Variants in NADSYN1 observed in about 807,000 individuals in gnomAD.
The protein encoded by NADSYN1 is glutamine-dependent NAD(+) synthetase.
A neutral mutation model predicts 99.3 loss-of-function variants in NADSYN1; 80 were observed. That is an observed-to-expected ratio of 0.81 (90% CI 0.67 to 0.97). The LOEUF is 0.97. Among genes scored for constraint, NADSYN1 ranks in the 50% least tolerant of loss-of-function variants. The probability of loss-of-function intolerance (pLI) is 0.00; values close to 1 mark genes in which losing one functional copy is unlikely to be tolerated. For missense variants in NADSYN1, 859 were observed against 948.5 expected, an observed-to-expected ratio of 0.91 and a Z score of 1.24; for synonymous variants, 385 against 372.1, an observed-to-expected ratio of 1.03 and a Z score of -0.40.
At chr11:71,497,699 A>G in intron 19 of NADSYN1, 88 bp downstream of exon 19, 2 of 1,525,376 alleles carry the variant, frequency 1.3e-6, no homozygotes, top group Non-Finnish European at 1.8e-6. Context: ...GAACAAGTAG[A>G]TAACAGTGTG....
At chr11:71,472,551 G>T (rs756444717) in intron 6 of NADSYN1, 51 bp downstream of exon 6, 1 of 1,513,682 alleles carries the variant, frequency 6.6e-7, no homozygotes, top group South Asian at 1.1e-5. Flanking sequence ...CGCTGTTCTC[G>T]GCCAACAGTG....
intron 17 of NADSYN1, 97 bp downstream of exon 17, chr11:71,491,073 C>T: frequency 6.6e-7 from 1 of 1,509,800 alleles, no homozygotes; most frequent in Non-Finnish European, 9.0e-7. Flanking sequence ...CTTCGTAGCT[C>T]CTGTTGCCTG....
intron 6 of NADSYN1, among the ~76,000 whole-genome samples, 167 bp from the exon 7 acceptor site, chr11:71,473,111 C>T (rs1314659919): frequency 1.3e-5 from 2 of 152,370 alleles, no homozygotes; most frequent in East Asian, 1.9e-4. Flanking sequence ...CCTGGCACCA[C>T]CCGGTGTCCC....
rs775012676 is a variant in NADSYN1 at position 71,455,172 on chromosome 11, T to C, written c.146+2T>C. On this transcript the variant is annotated splice_donor_variant, in intron 2 of 20. Coordinates refer to ENST00000319023, the MANE Select transcript of NADSYN1 (RefSeq NM_018161.5). LOFTEE classifies it high-confidence loss of function. ...GCTTGGACCAGAGCTGGAAATATGG[T>C]GAGAACAGACACAGACACCCTGGGG... The C allele has an allele frequency of 6.2e-7, 1 of 1,613,288 alleles. No individual in the cohort carries two copies.
chr11:71,490,516 T>G (rs1339878664), intron 16 of NADSYN1, among the ~76,000 whole-genome samples: 2 of 151,944 alleles, frequency 1.3e-5, no homozygotes, highest in Non-Finnish European at 2.9e-5. Flanking sequence ...GGCAGCAGAG[T>G]GTCCACGTGT....
Position 71,484,395 on chromosome 11 carries a change from T to C in NADSYN1, c.1403T>C (p.Phe468Ser). The C allele has an allele frequency of 1.2e-6, 2 of 1,614,170 alleles. No individual in the cohort carries two copies. The highest frequency in any genetic ancestry group is 1.7e-6 in the Non-Finnish European group (2 of 1,180,016). The change falls in exon 15 of 21, where the codon TTT becomes TCT. Residue 468 changes from phenylalanine (F) to serine (S), a missense_variant. By Grantham distance (155) the Phe-to-Ser change is radical. Transcript: ENST00000319023. Reference protein sequence around the residue: ...FSLVTGKSPLFAAHGGSSREN... With the variant: ...FSLVTGKSPLSAAHGGSSREN... ...CTGGTGACGGGGAAGAGCCCTCTGT[T>C]TGCAGCTCATGGAGGAAGCAGCAGG...
intron 11 of NADSYN1, 161 bp from the exon 12 acceptor site, chr11:71,481,195 C>T: frequency 5.4e-6 from 4 of 747,394 alleles, no homozygotes; most frequent in African/African-American, 1.7e-5. Flanking sequence ...TTCAGAATCA[C>T]ATGTGTCCCT....
At chr11:71,470,098 G>A (rs1042741442) in intron 5 of NADSYN1, among the ~76,000 whole-genome samples, 5 of 152,182 alleles carry the variant, frequency 3.3e-5, no homozygotes, top group African/African-American at 4.8e-5. Context: ...TTACATAGCG[G>A]CAGACAAGAG....
At chr11:71,477,469 AG>A in intron 9 of NADSYN1, 1 of 1,286,966 alleles carries the variant, frequency 7.8e-7, no homozygotes, top group Non-Finnish European at 1.0e-6. Context: ...GGTAGGAGCA[AG>A]GGGCGCGCAA....
intron 9 of NADSYN1, chr11:71,474,897 A>G: frequency 3.1e-6 from 1 of 327,748 alleles, no homozygotes; most frequent in East Asian, 7.5e-5. Context: ...TAGTGGACGG[A>G]TGAGGTTGAG....
At chr11:71,484,187 A>G (rs997872645) in intron 14 of NADSYN1, 125 bp from the exon 15 acceptor site, 2 of 1,411,658 alleles carry the variant, frequency 1.4e-6, no homozygotes, top group Non-Finnish European at 1.9e-6. Context: ...GCTAAACACC[A>G]CAAATCATAC....
chr11:71,489,150 G>T (rs759390303), intron 16 of NADSYN1, among the ~76,000 whole-genome samples: 1 of 152,094 alleles, frequency 6.6e-6, no homozygotes, highest in Non-Finnish European at 1.5e-5. Context: ...TTGAAGTTAG[G>T]CTTCTAACAA....
At chr11:71,477,262 C>T in intron 9 of NADSYN1, 2 of 1,232,812 alleles carry the variant, frequency 1.6e-6, no homozygotes, top group Admixed American at 2.6e-5. Context: ...GGGATGGAGC[C>T]ACCTTCTCAT....
At chr11:71,483,892 G>A in intron 14 of NADSYN1, among the ~76,000 whole-genome samples, 1 of 152,248 alleles carries the variant, frequency 6.6e-6, no homozygotes. Flanking sequence ...ATGACACAGT[G>A]AGGAGAAACC....
At chr11:71,476,723 A>G (rs200456147) in intron 9 of NADSYN1, 18 of 478,486 alleles carry the variant, frequency 3.8e-5, no homozygotes, top group Non-Finnish European at 4.8e-5. Context: ...CTCCCCGTTC[A>G]CGTCAGAGCC....
chr11:71,495,227 C>T (rs1024401236), intron 18 of NADSYN1, among the ~76,000 whole-genome samples: 3 of 152,324 alleles, frequency 2.0e-5, no homozygotes, highest in Admixed American at 2.0e-4. Flanking sequence ...GTTGTGTCTT[C>T]ATTTCATTTA....
At chr11:71,500,975 C>T (rs1346425089) in intron 20 of NADSYN1, among the ~76,000 whole-genome samples, 1 of 152,076 alleles carries the variant, frequency 6.6e-6, no homozygotes, top group Admixed American at 6.5e-5. Flanking sequence ...GGCTTGGCTC[C>T]CACCAAGATG....
At chr11:71,500,400 A>G (rs1251328268) in intron 20 of NADSYN1, among the ~76,000 whole-genome samples, 1 of 152,060 alleles carries the variant, frequency 6.6e-6, no homozygotes, top group East Asian at 1.9e-4. Context: ...AGGAGACATT[A>G]GGCGATGACT....
Position 71,481,368 on chromosome 11 carries a change from C to T in NADSYN1, c.1011C>T (p.Ala337=), listed in dbSNP as rs1198195958. 3.7e-6 allele frequency: 6 copies of T among 1,614,070 alleles called. No homozygotes were observed. The highest frequency in any genetic ancestry group is 4.2e-6 in the Non-Finnish European group (5 of 1,180,036). ...SPEEEISLGP[A]CWLWDFLRRS... is the part of the protein sequence containing the mutation. ...GATTGCCCTGCAGCCTTGGACCTGCCTGCTGGCTCTGGGATTTTTTAAGAC... is the reference window on the plus strand; with the variant it reads ...GATTGCCCTGCAGCCTTGGACCTGCTTGCTGGCTCTGGGATTTTTTAAGAC... Residue 337 remains alanine (A), a synonymous_variant, in exon 12 of 21, where the codon GCC becomes GCT. Transcript: ENST00000319023.
Sources: allele counts gnomAD v4.1 joint callset (sites outside exome capture counted in the v4.1 genomes callset), GRCh38; gene constraint gnomAD v4.1.1; transcripts MANE v1.5; gene names NCBI Gene and HGNC (gene_info 2026-07-23, HGNC 2026-07-21).